Variants in GAB2 observed in about 807,000 individuals in gnomAD.
The protein encoded by GAB2 is GRB2 associated binding protein 2, also known as GRB2-associated-binding protein 2.
In GAB2, 26 loss-of-function variants were observed where a neutral mutation model predicts 65.5. That is an observed-to-expected ratio of 0.40 (90% CI 0.29 to 0.55). The LOEUF (loss-of-function observed/expected upper bound fraction) is 0.55, where lower values mean the gene tolerates loss of function less well. Ranked by LOEUF, GAB2 falls within the 20% of genes least tolerant of loss-of-function variation. The pLI is 0.53. For missense variants in GAB2, 884 were observed against 875.8 expected (o/e 1.01, Z -0.12); for synonymous variants, 321 against 329.6 (o/e 0.97, Z 0.28).
intron 2 of GAB2, among the ~76,000 whole-genome samples, chr11:78,265,625 G>C (rs914290148): frequency 6.6e-6 from 1 of 152,102 alleles, no homozygotes; most frequent in African/African-American, 2.4e-5. Flanking sequence ...ATAAACTTCA[G>C]GTCTTTGGCA....
chr11:78,299,486 T>A (rs1434984883), intron 1 of GAB2, among the ~76,000 whole-genome samples: 1 of 152,248 alleles, frequency 6.6e-6, no homozygotes, highest in Non-Finnish European at 1.5e-5. Flanking sequence ...TGGTGCTTTC[T>A]GGAGAGCTTT....
At chr11:78,325,858 T>C (rs1223020704) in intron 1 of GAB2, among the ~76,000 whole-genome samples, 2 of 152,202 alleles carry the variant, frequency 1.3e-5, no homozygotes, top group Non-Finnish European at 2.9e-5. Flanking sequence ...CCAGAGTCTA[T>C]TCCTATGAAC....
chr11:78,403,012 C>T (rs1394997347), intron 1 of GAB2, among the ~76,000 whole-genome samples: 2 of 152,198 alleles, frequency 1.3e-5, no homozygotes, highest in Non-Finnish European at 2.9e-5. Context: ...TTTCCCTCTT[C>T]AACCATGTGA....
At chr11:78,318,447 C>T (rs1480797011) in intron 1 of GAB2, among the ~76,000 whole-genome samples, 4 of 142,760 alleles carry the variant, frequency 2.8e-5, no homozygotes, top group Non-Finnish European at 4.5e-5. Flanking sequence ...ACAGTTTTAA[C>T]TGGAGAGGGA....
intron 1 of GAB2, among the ~76,000 whole-genome samples, chr11:78,351,537 A>G (rs1856278013): frequency 6.6e-6 from 1 of 152,166 alleles, no homozygotes; most frequent in African/African-American, 2.4e-5. Context: ...CATTTGATTC[A>G]GTAGAGGGGT....
intron 2 of GAB2, among the ~76,000 whole-genome samples, chr11:78,278,736 T>C (rs1431405112): frequency 2.1e-5 from 3 of 145,342 alleles, no homozygotes; most frequent in African/African-American, 7.9e-5. Context: ...TTTTTTTTTT[T>C]AGGACACAGG....
chr11:78,316,134 G>T lies in GAB2; in HGVS notation c.76-35233C>A, dbSNP rs192010111. On this transcript the variant is annotated intron_variant, in intron 1 of 9. Transcript: ENST00000361507. ...GCCTGACACTGGGACTTGCACGGGG[G>T]GCCAGGGGGTGGGTGTCCTGCCTTT... 1.1e-4 allele frequency among the ~76,000 whole-genome samples: 16 copies of T among 152,184 alleles called. No homozygotes were observed. The East Asian group carries it at 3.1e-3, about 29-fold the overall frequency.
intron 1 of GAB2, among the ~76,000 whole-genome samples, chr11:78,369,929 A>G (rs997501395): frequency 2.0e-5 from 3 of 152,160 alleles, no homozygotes; most frequent in Non-Finnish European, 4.4e-5. Context: ...ACGAACATGT[A>G]CCATTTTAAC....
intron 1 of GAB2, among the ~76,000 whole-genome samples, chr11:78,341,080 C>T (rs1033928772): frequency 6.6e-6 from 1 of 152,210 alleles, no homozygotes; most frequent in East Asian, 1.9e-4. Context: ...TTAAAGGTGA[C>T]TCCAGTTCAG....
rs772941413 is a variant in GAB2 at position 78,223,617 on chromosome 11, G to A, written c.1362C>T (p.Pro454=). 1.2e-6 allele frequency: 2 copies of A among 1,613,240 alleles called. No homozygotes were observed. The highest frequency in any genetic ancestry group is 1.7e-5 in the Admixed American group (1 of 59,942). Residue 454 remains proline (P), a synonymous_variant, in exon 6 of 10, where the codon CCC becomes CCT. Transcript: ENST00000361507. ...DSTNSEDNYV[P]MNPGSSTLLA... is the part of the protein sequence containing the mutation. ...ACAGGGTGGAAGAACCTGGATTCAT[G>A]GGCACATAGTTGTCTTCAGAATTGG...
intron 1 of GAB2, among the ~76,000 whole-genome samples, chr11:78,307,954 G>A (rs1372754050): frequency 6.6e-6 from 1 of 152,068 alleles, no homozygotes; most frequent in Non-Finnish European, 1.5e-5. Flanking sequence ...ACCCAGTGTG[G>A]GTGAGCACCA....
intron 1 of GAB2, among the ~76,000 whole-genome samples, chr11:78,300,727 C>T (rs1364578597): frequency 2.9e-5 from 4 of 136,634 alleles, no homozygotes; most frequent in South Asian, 4.9e-4. Context: ...CAGAGCCTCA[C>T]TCTGTTGCCC....
chr11:78,303,157 G>A (rs1036471501), intron 1 of GAB2, among the ~76,000 whole-genome samples: 1 of 152,152 alleles, frequency 6.6e-6, no homozygotes, highest in African/African-American at 2.4e-5. Flanking sequence ...ACTTACTCAT[G>A]TAACCAAATA....
intron 2 of GAB2, among the ~76,000 whole-genome samples, chr11:78,257,563 T>C (rs1299889015): frequency 6.6e-6 from 1 of 152,228 alleles, no homozygotes; most frequent in Non-Finnish European, 1.5e-5. Context: ...TTGCTCCTAT[T>C]CCTGGAGTAC....
intron 1 of GAB2, among the ~76,000 whole-genome samples, chr11:78,302,202 A>C (rs1461916915): frequency 2.0e-5 from 3 of 152,228 alleles, no homozygotes; most frequent in Non-Finnish European, 4.4e-5. Context: ...GGACTTAATT[A>C]AACTAAAGAG....
chr11:78,413,605 C>T (rs750205349), intron 1 of GAB2, among the ~76,000 whole-genome samples: 13 of 152,024 alleles, frequency 8.6e-5, no homozygotes, highest in Non-Finnish European at 1.5e-4. Flanking sequence ...AGGAAGACTG[C>T]ATAAACCACC....
chr11:78,325,319 A>G (rs1047378494), intron 1 of GAB2, among the ~76,000 whole-genome samples: 1 of 152,198 alleles, frequency 6.6e-6, no homozygotes, highest in African/African-American at 2.4e-5. Flanking sequence ...GTGCTTAACC[A>G]TCAGGCCAAT....
At chr11:78,324,455 A>C (rs967586949) in intron 1 of GAB2, among the ~76,000 whole-genome samples, 1 of 152,224 alleles carries the variant, frequency 6.6e-6, no homozygotes, top group African/African-American at 2.4e-5. Context: ...CATTCCACTC[A>C]GACAGAAGAT....
In GAB2 at chr11:78,417,729, C is replaced by T. The variant is rs11237488; in HGVS notation, c.-9G>A. 0.15 allele frequency: 190,179 copies of T among 1,289,266 alleles called. 17,091 individuals carry two copies. Among genetic ancestry groups the T allele is most frequent in the East Asian group, 0.42 (9,736 of 23,358 alleles). The allele number at this position is 1,289,266 out of a possible 1,614,324, so 79.9% of individuals were successfully genotyped here. On this transcript the variant is annotated 5_prime_UTR_variant, in exon 1 of 10. Coordinates refer to ENST00000361507, the MANE Select transcript of GAB2 (RefSeq NM_080491.3). ...TCGCCGCCGCCGCTCATGCTGCCGG[C>T]CTGGAGCCCCCCGCCGGGTCGCGCG... is the stretch of plus-strand genomic sequence containing the variant.
Sources: gnomAD v4.1 joint callset for allele counts (sites outside exome capture counted in the v4.1 genomes callset) on GRCh38, gnomAD v4.1.1 for gene constraint, MANE v1.5 for transcripts, NCBI Gene and HGNC (gene_info 2026-07-23, HGNC 2026-07-21) for gene names.